The following SFMBT2 variants were observed in gnomAD, a reference collection of about 807,000 sequenced individuals.
SFMBT2 encodes the protein Scm like with four mbt domains 2, also known as scm-like with four MBT domains protein 2.
Under a neutral mutation model 110.1 loss-of-function variants are expected in SFMBT2, and 38 were observed. The observed-to-expected ratio is 0.35, with a 90% CI of 0.27 to 0.45. The LOEUF is 0.45. SFMBT2 is among the 20% of genes least tolerant of loss of function. SFMBT2 has a pLI of 1.00. For missense variants in SFMBT2, 1,011 were observed against 1,094.9 expected, an observed-to-expected ratio of 0.92 and a Z score of 1.08; for synonymous variants, 425 against 425.4, an observed-to-expected ratio of 1.00 and a Z score of 0.01.
chr10:7,349,583 G>A (rs973904282), intron 4 of SFMBT2, among the ~76,000 whole-genome samples: 4 of 149,838 alleles, frequency 2.7e-5, no homozygotes, highest in Non-Finnish European at 3.0e-5. Flanking sequence ...TCAGCCTCTC[G>A]ACTAGCTAGG....
chr10:7,301,501 T>G lies in SFMBT2; in HGVS notation c.437-15547A>C, dbSNP rs145309615. On this transcript the variant is annotated intron_variant, in intron 4 of 20. Coordinates refer to ENST00000397167, the MANE Select transcript of SFMBT2 (RefSeq NM_001387889.1). This position sits in a 1 kb window ranked among gnomAD's most constrained non-coding sequence, Gnocchi z 4.2. ...CAGGCCTGAAGGGGCCTGGGCTGTATCTGCACACTCAGCCATCGGCAGTTA... is the reference window on the plus strand; with the variant it reads ...CAGGCCTGAAGGGGCCTGGGCTGTAGCTGCACACTCAGCCATCGGCAGTTA... 0.015 allele frequency among the ~76,000 whole-genome samples: 2,328 copies of G among 152,282 alleles called. 62 individuals carry two copies. Among genetic ancestry groups the G allele is most frequent in the African/African-American group, 0.054 (2,237 of 41,542 alleles).
intron 9 of SFMBT2, among the ~76,000 whole-genome samples, chr10:7,242,474 G>A (rs1446702669): frequency 6.6e-6 from 1 of 152,186 alleles, no homozygotes; most frequent in Non-Finnish European, 1.5e-5. Flanking sequence ...TCACTTTGAG[G>A]AGTGAATGAA....
Position 7,162,675 on chromosome 10 carries a change from A to G in SFMBT2, c.*1095T>C, listed in dbSNP as rs1211181888. ...TGAAACTAAGCTTTTCCTTTGATAT[A>G]TAATCCAACATTTGCCTAAAAGACT... On this transcript the variant is annotated 3_prime_UTR_variant, in exon 21 of 21. Transcript: ENST00000397167. The G allele has an allele frequency of 2.6e-5, 4 of 152,192 alleles. No homozygotes were observed. Among genetic ancestry groups the G allele is most frequent in the South Asian group, 2.1e-4 (1 of 4,832 alleles). The allele number at this position is 152,192 out of a possible 1,614,324, so 9.4% of individuals were successfully genotyped here.
intron 7 of SFMBT2, among the ~76,000 whole-genome samples, chr10:7,263,229 T>C (rs1841269134): frequency 1.4e-5 from 2 of 141,424 alleles, no homozygotes; most frequent in Admixed American, 7.0e-5. Context: ...ACAGCCTCTA[T>C]TTCTTTTCTT....
Position 7,301,572 on chromosome 10 carries a change from G to C in SFMBT2, c.437-15618C>G, listed in dbSNP as rs546256756. On this transcript the variant is annotated intron_variant, in intron 4 of 20. Transcript: ENST00000397167. The surrounding 1 kb of genome is among the most constrained non-coding windows in gnomAD (Gnocchi z 4.2). ...ACAGTGGGGGCAGGTCCCCGGGGCCGGCAAATTCGCGGAACACCAGCCAGG... is the reference window on the plus strand; with the variant it reads ...ACAGTGGGGGCAGGTCCCCGGGGCCCGCAAATTCGCGGAACACCAGCCAGG... Among the ~76,000 whole-genome samples, 1 of 152,274 alleles carries C rather than the reference G, an allele frequency of 6.6e-6. No homozygotes were observed. Among genetic ancestry groups the C allele is most frequent in the East Asian group, 1.9e-4 (1 of 5,178 alleles).
intron 16 of SFMBT2, among the ~76,000 whole-genome samples, chr10:7,187,195 T>G (rs549497651): frequency 6.6e-6 from 1 of 152,304 alleles, no homozygotes; most frequent in Admixed American, 6.5e-5. Flanking sequence ...TTTTTGTACT[T>G]TTATTATATC....
rs184592782 is a variant in SFMBT2, at chr10:7,171,368, G to A, written c.2416-312C>T. 1 of 985,140 alleles carries A rather than the reference G, an allele frequency of 1.0e-6. No homozygotes were observed. The highest frequency in any genetic ancestry group is 1.2e-6 in the Non-Finnish European group (1 of 829,678). The allele number at this position is 985,140 out of a possible 1,614,324, so 61.0% of individuals were successfully genotyped here. Reference sequence around the variant, plus strand: ...GAAGCATCTCTGATTAGAGAAAAGAGGAGAAATACAAGGGGCACGTCCAAG... The same window carrying A: ...GAAGCATCTCTGATTAGAGAAAAGAAGAGAAATACAAGGGGCACGTCCAAG... On this transcript the variant is annotated intron_variant, in intron 19 of 20. Transcript: ENST00000397167. This position sits in a 1 kb window ranked among gnomAD's most constrained non-coding sequence, Gnocchi z 4.9.
intron 7 of SFMBT2, among the ~76,000 whole-genome samples, chr10:7,268,027 A>T (rs1269885805): frequency 6.6e-6 from 1 of 152,216 alleles, no homozygotes. Context: ...TGTCAGTGAA[A>T]CTTGTACAAT....
intron 4 of SFMBT2, among the ~76,000 whole-genome samples, chr10:7,337,611 T>A (rs941172559): frequency 4.6e-5 from 7 of 152,202 alleles, no homozygotes; most frequent in Admixed American, 2.0e-4. Context: ...GATTGTAAGT[T>A]TCCTGAGTCC....
intron 16 of SFMBT2, among the ~76,000 whole-genome samples, chr10:7,177,023 G>T (rs1838085259): frequency 6.6e-6 from 1 of 152,126 alleles, no homozygotes. Context: ...CTCTAGGTTG[G>T]GATGGTGAAA....
intron 12 of SFMBT2, chr10:7,204,419 G>C (rs1564381540): frequency 1.0e-6 from 1 of 985,382 alleles, no homozygotes; most frequent in South Asian, 4.7e-5. Context: ...GAAAATGTCA[G>C]AGACGGAATC....
intron 7 of SFMBT2, among the ~76,000 whole-genome samples, chr10:7,272,997 A>G (rs10905138): frequency 0.6 from 90,531 of 151,904 alleles, 27,350 homozygotes; most frequent in East Asian, 0.81. Context: ...GTTTTATCAT[A>G]TTGGCCAGGC....
intron 4 of SFMBT2, among the ~76,000 whole-genome samples, chr10:7,365,348 T>G (rs942149180): frequency 6.6e-6 from 1 of 152,248 alleles, no homozygotes; most frequent in Non-Finnish European, 1.5e-5. Flanking sequence ...TAACAATGAC[T>G]GTTCTTTTCC....
chr10:7,207,185 C>A (rs1026660890), intron 11 of SFMBT2, among the ~76,000 whole-genome samples: 2 of 151,962 alleles, frequency 1.3e-5, no homozygotes, highest in Non-Finnish European at 2.9e-5. Context: ...CATGAAGACA[C>A]CTTGTCTCTA....
At chr10:7,297,853 A>G (rs1401378620) in intron 4 of SFMBT2, among the ~76,000 whole-genome samples, 2 of 152,308 alleles carry the variant, frequency 1.3e-5, no homozygotes, top group East Asian at 3.9e-4. Flanking sequence ...TGTGGCCTCG[A>G]CACCTGTATA....
At chr10:7,346,335 G>A in intron 4 of SFMBT2, among the ~76,000 whole-genome samples, 1 of 152,130 alleles carries the variant, frequency 6.6e-6, no homozygotes, top group East Asian at 1.9e-4. Flanking sequence ...GTGATTGCTT[G>A]CATTCATCTT....
chr10:7,209,619 G>A (rs576383668), intron 11 of SFMBT2, among the ~76,000 whole-genome samples: 1 of 152,312 alleles, frequency 6.6e-6, no homozygotes, highest in South Asian at 2.1e-4. Context: ...AAGGCAGGGT[G>A]CAGAACACTG....
chr10:7,177,141 G>T (rs1417892173), intron 16 of SFMBT2, among the ~76,000 whole-genome samples: 1 of 152,088 alleles, frequency 6.6e-6, no homozygotes, highest in African/African-American at 2.4e-5. Context: ...AATCCTTTCT[G>T]AACATGCACA....
chr10:7,254,095 C>T (rs1263962268), intron 7 of SFMBT2, among the ~76,000 whole-genome samples: 1 of 152,316 alleles, frequency 6.6e-6, no homozygotes, highest in East Asian at 1.9e-4. Flanking sequence ...GATATCCATG[C>T]TGTATGTGCA....
Sources: gnomAD v4.1 joint callset for allele counts (sites outside exome capture counted in the v4.1 genomes callset) on GRCh38, gnomAD v4.1.1 for gene constraint, Gnocchi (gnomAD v3.1) non-coding constraint, MANE v1.5 for transcripts, NCBI Gene and HGNC (gene_info 2026-07-23, HGNC 2026-07-21) for gene names.